The following SBNO1 variants were observed in gnomAD, a reference collection of about 807,000 sequenced individuals.
SBNO1 encodes protein strawberry notch homolog 1.
SBNO1 carries 23 observed loss-of-function variants against 173.6 expected under a neutral mutation model. That is an observed-to-expected ratio of 0.13 (90% CI 0.10 to 0.19). The LOEUF (loss-of-function observed/expected upper bound fraction) is 0.19. SBNO1 is among the 10% of genes least tolerant of loss of function. The pLI, the probability that SBNO1 is intolerant of heterozygous loss-of-function variation, is 1.00. For missense variants in SBNO1, 1,238 were observed against 1,671.2 expected, an observed-to-expected ratio of 0.74 and a Z score of 4.52; for synonymous variants, 632 against 571.5, an observed-to-expected ratio of 1.11 and a Z score of -1.51.
chr12:123,301,063 A>G (rs548888937), intron 30 of SBNO1, among the ~76,000 whole-genome samples: 5 of 150,324 alleles, frequency 3.3e-5, no homozygotes, highest in East Asian at 4.0e-4. Context: ...ACAGGGGTGC[A>G]GTGCCACGAT....
Position 123,328,914 on chromosome 12 carries a change from G to A in SBNO1, c.1135-19C>T. The A allele has an allele frequency of 7.0e-7, 1 of 1,418,636 alleles. No individual in the cohort carries two copies. The highest frequency in any genetic ancestry group is 2.0e-5 in the Admixed American group (1 of 50,384). The allele number at this position is 1,418,636 out of a possible 1,614,324, so 87.9% of individuals were successfully genotyped here. On this transcript the variant is annotated intron_variant, in intron 9 of 31. Coordinates refer to ENST00000602398, the MANE Select transcript of SBNO1 (RefSeq NM_001167856.3). ...ATTTAAACTAAAAAAGAAAAGAAAAGAATTTAGTTAATTAGTATACCTTTC... is the reference window on the plus strand; with the variant it reads ...ATTTAAACTAAAAAAGAAAAGAAAAAAATTTAGTTAATTAGTATACCTTTC...
chr12:123,300,514 G>T (rs550997726), intron 30 of SBNO1, among the ~76,000 whole-genome samples: 1 of 151,968 alleles, frequency 6.6e-6, no homozygotes, highest in Non-Finnish European at 1.5e-5. Context: ...AAAATTAGCC[G>T]GGCGTGGTTG....
intron 4 of SBNO1, 88 bp downstream of exon 4, chr12:123,345,170 C>G (rs781203089): frequency 3.4e-5 from 40 of 1,159,870 alleles, no homozygotes; most frequent in Non-Finnish European, 4.7e-5. Flanking sequence ...ATGGCCAGTT[C>G]TTTAAAAACC....
intron 3 of SBNO1, among the ~76,000 whole-genome samples, chr12:123,346,388 G>A (rs1477900271): frequency 2.6e-5 from 4 of 152,202 alleles, no homozygotes; most frequent in Admixed American, 1.3e-4. Context: ...CTATTGGCCG[G>A]GCGCGGTGGC....
chr12:123,301,941 G>T lies in SBNO1; in HGVS notation c.3845+883C>A, dbSNP rs564861282. On this transcript the variant is annotated intron_variant, in intron 30 of 31. Coordinates refer to ENST00000602398, the MANE Select transcript of SBNO1 (RefSeq NM_001167856.3). ...GTGACAGAAGGAGGGCGAAAAAGTG[G>T]TTTGTTTTTTTTTTTAAGAGACAGT... Among the ~76,000 whole-genome samples the T allele has an allele frequency of 5.3e-4, 78 of 146,194 alleles. No individual in the cohort carries two copies. In the East Asian group the frequency reaches 6.0e-3, roughly 11 times the overall value.
At position 123,304,526 on chromosome 12, in the gene SBNO1, T is replaced by A. The variant is rs756571959; in HGVS notation, c.3768+56A>T. ...GCTGAGATTACAGGTGTGAGCCACA[T>A]TGCCTGGCCCAAAGTAAGTATTCCT... On this transcript the variant is annotated intron_variant, in intron 29 of 31. Transcript: ENST00000602398. 9 of 1,342,746 alleles carry A rather than the reference T, an allele frequency of 6.7e-6. No homozygotes were observed. The East Asian group carries it at 2.0e-4, about 30-fold the overall frequency. The allele number at this position is 1,342,746 out of a possible 1,614,324, so 83.2% of individuals were successfully genotyped here.
intron 1 of SBNO1, among the ~76,000 whole-genome samples, chr12:123,353,638 T>C (rs1371032289): frequency 1.3e-5 from 2 of 152,202 alleles, no homozygotes; most frequent in Non-Finnish European, 2.9e-5. Context: ...ATTTTTCTAA[T>C]ATAGACACAT....
chr12:123,340,081 C>A (rs1872343381), intron 5 of SBNO1, among the ~76,000 whole-genome samples: 3 of 152,142 alleles, frequency 2.0e-5, no homozygotes, highest in African/African-American at 7.2e-5. Context: ...TTGTGAGTAG[C>A]ACATTGCATA....
At chr12:123,302,741 A>G (rs1191856950) in intron 30 of SBNO1, 83 bp downstream of exon 30, 6 of 848,652 alleles carry the variant, frequency 7.1e-6, no homozygotes, top group Non-Finnish European at 1.2e-5. Context: ...TTAATTCATG[A>G]GGACATACTG....
chr12:123,341,502 T>C (rs551577959), intron 4 of SBNO1, among the ~76,000 whole-genome samples: 4 of 152,304 alleles, frequency 2.6e-5, no homozygotes, highest in African/African-American at 4.8e-5. Context: ...CCAAAGAATG[T>C]CAATCTGCCT....
At chr12:123,329,976 C>G (rs986849274) in intron 9 of SBNO1, among the ~76,000 whole-genome samples, 1 of 152,188 alleles carries the variant, frequency 6.6e-6, no homozygotes, top group Admixed American at 6.5e-5. Context: ...TAACTCAAGT[C>G]CATTAGCTGT....
At chr12:123,337,711 C>A (rs998060071) in intron 5 of SBNO1, among the ~76,000 whole-genome samples, 1 of 152,112 alleles carries the variant, frequency 6.6e-6, no homozygotes, top group Non-Finnish European at 1.5e-5. Flanking sequence ...AGATTTGAAT[C>A]CCAATTCTGC....
chr12:123,344,305 T>C (rs747107071), intron 4 of SBNO1, among the ~76,000 whole-genome samples: 8 of 152,112 alleles, frequency 5.3e-5, no homozygotes, highest in Non-Finnish European at 1.0e-4. Flanking sequence ...GCTAAAATGA[T>C]TTCCCAACTT....
intron 5 of SBNO1, among the ~76,000 whole-genome samples, chr12:123,337,182 G>A (rs1871954725): frequency 6.6e-6 from 1 of 152,150 alleles, no homozygotes; most frequent in Non-Finnish European, 1.5e-5. Flanking sequence ...AGCTATTGAG[G>A]ATTACACTGA....
intron 1 of SBNO1, among the ~76,000 whole-genome samples, chr12:123,360,033 A>G (rs904281625): frequency 1.3e-5 from 2 of 152,132 alleles, no homozygotes; most frequent in African/African-American, 2.4e-5. Flanking sequence ...TGAGGTCAGG[A>G]GTTCGAGACC....
chr12:123,309,957 C>T, intron 25 of SBNO1, 101 bp from the exon 26 acceptor site: 2 of 897,970 alleles, frequency 2.2e-6, no homozygotes, highest in South Asian at 3.4e-5. Context: ...TAAAAGTCTT[C>T]CTTCTTAACT....
chr12:123,306,887 A>T (rs2048928290), intron 28 of SBNO1, among the ~76,000 whole-genome samples: 1 of 151,972 alleles, frequency 6.6e-6, no homozygotes, highest in African/African-American at 2.4e-5. Flanking sequence ...TCAGTATTTC[A>T]AAAACCCCAA....
chr12:123,295,785 A>C lies in SBNO1; in HGVS notation c.*123T>G. The stretch of plus-strand genomic sequence containing the variant: ...TCCAGGTTTGTCCTTACTCCCAAAA[A>C]AACTAACTAGAGAGCACAACTGAAA... On this transcript the variant is annotated 3_prime_UTR_variant, in exon 32 of 32. Coordinates refer to ENST00000602398, the MANE Select transcript of SBNO1 (RefSeq NM_001167856.3). 7.3e-7 allele frequency: 1 copy of C among 1,362,616 alleles called. No homozygotes were observed. Among genetic ancestry groups the C allele is most frequent in the South Asian group, 1.5e-5 (1 of 66,648 alleles). 84.4% of individuals were successfully genotyped at this position (1,362,616 alleles called of 1,614,324 possible).
At chr12:123,322,269 A>C (rs1419790477) in intron 16 of SBNO1, among the ~76,000 whole-genome samples, 2 of 151,710 alleles carry the variant, frequency 1.3e-5, no homozygotes, top group Non-Finnish European at 2.9e-5. Flanking sequence ...AGTACCTGGG[A>C]CTACAGGCAC....
Sources: gnomAD v4.1 joint callset for allele counts (sites outside exome capture counted in the v4.1 genomes callset) on GRCh38, gnomAD v4.1.1 for gene constraint, MANE v1.5 for transcripts, NCBI Gene and HGNC (gene_info 2026-07-23, HGNC 2026-07-21) for gene names.